Variants in WNK3 observed in about 807,000 individuals in gnomAD.
WNK3 encodes the protein WNK lysine deficient protein kinase 3.
WNK3 carries 18 observed loss-of-function variants against 116.7 expected under a neutral mutation model. That is an observed-to-expected ratio of 0.15 (90% CI 0.11 to 0.23). WNK3 has a LOEUF of 0.23. Ranked by LOEUF, WNK3 falls within the 10% of genes least tolerant of loss-of-function variation. WNK3 has a pLI of 1.00. For synonymous variants in WNK3, 404 were observed against 469.4 expected (o/e 0.86, Z 1.80); for missense variants, 993 against 1,323.8 (o/e 0.75, Z 3.88).
chrX:54,252,723 T>C (rs2068148862), intron 13 of WNK3, among the ~76,000 whole-genome samples: 1 of 108,408 alleles, frequency 9.2e-6, no homozygotes, highest in Non-Finnish European at 1.9e-5. Context: ...TAAACATTCC[T>C]GAAAAGAATG....
chrX:54,318,196 C>A (rs782021710), intron 2 of WNK3, among the ~76,000 whole-genome samples: 14 of 108,046 alleles, frequency 1.3e-4, no homozygotes, highest in African/African-American at 4.0e-4. Context: ...CCATTCTCTA[C>A]TAAAAATACA....
At chrX:54,301,710 A>T in intron 6 of WNK3, 61 bp downstream of exon 6, 1 of 1,036,823 alleles carries the variant, frequency 9.6e-7, no homozygotes. Flanking sequence ...AAAACGACCC[A>T]ATGCAAGATA....
exon 1 of WNK3, chrX:54,357,948 CGGGCGGAGAGAGGG>C (rs1363631420): frequency 1.3e-4 from 15 of 112,143 alleles, no homozygotes; most frequent in Admixed American, 6.5e-4. Flanking sequence ...AGGTAAAGAG[CGGGCGGAGAGAGGG>C]GAGCGGGGTA....
intron 2 of WNK3, among the ~76,000 whole-genome samples, chrX:54,317,818 G>C (rs1162994397): frequency 2.8e-5 from 3 of 107,728 alleles, no homozygotes; most frequent in Admixed American, 2.0e-4. Context: ...TTTTTTAGTA[G>C]AGACAGGGTT....
intron 13 of WNK3, among the ~76,000 whole-genome samples, chrX:54,252,312 G>A (rs1053152364): frequency 3.6e-5 from 4 of 110,789 alleles, no homozygotes; most frequent in African/African-American, 1.3e-4. Flanking sequence ...CTGAGGCAAT[G>A]TTTAAAACTA....
intron 10 of WNK3, among the ~76,000 whole-genome samples, chrX:54,283,521 G>A (rs1238787173): frequency 9.0e-6 from 1 of 111,297 alleles, no homozygotes; most frequent in African/African-American, 3.3e-5. Context: ...TGTAATCCCA[G>A]CACTTTGGGA....
At chrX:54,249,114 C>T (rs781972347) in exon 17 of WNK3, 3 of 1,211,588 alleles carry the variant, frequency 2.5e-6, no homozygotes, top group Non-Finnish European at 3.4e-6. Flanking sequence ...GGCCAGGGGT[C>T]TGAGTGGGAA....
At chrX:54,350,518 C>T in intron 1 of WNK3, among the ~76,000 whole-genome samples, 1 of 111,680 alleles carries the variant, frequency 9.0e-6, no homozygotes, top group East Asian at 2.8e-4. Flanking sequence ...GATTCAGTAC[C>T]ATTTTTCATC....
intron 6 of WNK3, 150 bp from the exon 7 acceptor site, chrX:54,298,544 C>A: frequency 2.3e-6 from 1 of 432,585 alleles, no homozygotes; most frequent in Non-Finnish European, 3.8e-6. Flanking sequence ...AAAACCAAAT[C>A]TCTTTAACAG....
chrX:54,325,360 C>A (rs1603398653), intron 2 of WNK3, among the ~76,000 whole-genome samples: 1 of 110,977 alleles, frequency 9.0e-6, no homozygotes, highest in Non-Finnish European at 1.9e-5. Context: ...TATTTCAAAT[C>A]TCTATGATGT....
intron 22 of WNK3, among the ~76,000 whole-genome samples, chrX:54,207,144 C>T (rs1410442021): frequency 9.1e-6 from 1 of 110,462 alleles, no homozygotes; most frequent in Non-Finnish European, 1.9e-5. Context: ...TGAGGGTTCC[C>T]ACTTGTTTAG....
chrX:54,256,769 CAT>C (rs1156844915), intron 11 of WNK3, among the ~76,000 whole-genome samples: 1 of 112,287 alleles, frequency 8.9e-6, no homozygotes, highest in Non-Finnish European at 1.9e-5. Flanking sequence ...TGACGTATGA[CAT>C]AAATATAAGT....
At chrX:54,314,029 T>C (rs1210763283) in intron 2 of WNK3, among the ~76,000 whole-genome samples, 2 of 107,991 alleles carry the variant, frequency 1.9e-5, no homozygotes, top group East Asian at 5.9e-4. Context: ...CTGTCTCTAA[T>C]AAAAACACAA....
intron 18 of WNK3, 98 bp downstream of exon 18, chrX:54,238,770 G>A: frequency 1.5e-6 from 1 of 661,009 alleles, no homozygotes; most frequent in South Asian, 3.7e-5. Context: ...CATGGGCTAT[G>A]TGGAAAAAGT....
chrX:54,221,123 G>GA (rs1399051759), intron 22 of WNK3, among the ~76,000 whole-genome samples: 5 of 110,447 alleles, frequency 4.5e-5, no homozygotes, highest in East Asian at 2.8e-4. Flanking sequence ...TCCATAAATG[G>GA]AAAAAAAATA....
intron 10 of WNK3, among the ~76,000 whole-genome samples, chrX:54,266,035 A>G (rs1170110765): frequency 8.9e-6 from 1 of 112,607 alleles, no homozygotes; most frequent in Admixed American, 9.4e-5. Context: ...CAGCACGACA[A>G]TGGTGAAGGT....
intron 20 of WNK3, 129 bp from the exon 21 acceptor site, chrX:54,233,149 G>C: frequency 2.0e-6 from 1 of 497,950 alleles, no homozygotes; most frequent in Non-Finnish European, 3.3e-6. Flanking sequence ...TAGAGACTAG[G>C]CACAATGGCT....
At chrX:54,292,133 A>G (rs1045764860) in intron 10 of WNK3, among the ~76,000 whole-genome samples, 1 of 112,213 alleles carries the variant, frequency 8.9e-6, no homozygotes, top group African/African-American at 3.2e-5. Flanking sequence ...TTTCTCCTAC[A>G]GAAATAAACA....
intron 21 of WNK3, among the ~76,000 whole-genome samples, chrX:54,228,986 TA>T (rs1557148396): frequency 9.0e-6 from 1 of 110,936 alleles, no homozygotes; most frequent in Non-Finnish European, 1.9e-5. Context: ...GCATAAAGAT[TA>T]AAAAGGGAGA....
Sources: allele counts gnomAD v4.1 joint callset (sites outside exome capture counted in the v4.1 genomes callset), GRCh38; gene constraint gnomAD v4.1.1; transcripts MANE v1.5; gene names NCBI Gene and HGNC (gene_info 2026-07-23, HGNC 2026-07-21).